Variants in COL25A1 observed in about 807,000 individuals in gnomAD.
The protein encoded by COL25A1 is collagen alpha-1(XXV) chain.
COL25A1 carries 103 observed loss-of-function variants against 128.4 expected under a neutral mutation model. The observed-to-expected ratio is 0.80, with a 90% confidence interval of 0.68 to 0.94. COL25A1 has a LOEUF of 0.94. COL25A1 is among the 40% of genes least tolerant of loss of function. The pLI is 0.00. For missense variants in COL25A1, 745 were observed against 840.0 expected, an observed-to-expected ratio of 0.89 and a Z score of 1.40; for synonymous variants, 279 against 277.2, an observed-to-expected ratio of 1.01 and a Z score of -0.06.
chr4:108,942,162 T>C (rs564913829), intron 8 of COL25A1: 5 of 1,534,066 alleles, frequency 3.3e-6, no homozygotes, highest in Non-Finnish European at 3.5e-6. Flanking sequence ...CTCACGCTTA[T>C]GCTGATTGCA....
At position 108,997,418 on chromosome 4, in the gene COL25A1, A is replaced by C. The variant is rs549472166; in HGVS notation, c.438+12940T>G. 9.9e-5 allele frequency among the ~76,000 whole-genome samples: 15 copies of C among 152,186 alleles called. 1 individual carries two copies. The highest frequency in any genetic ancestry group is 2.2e-4 in the Non-Finnish European group (15 of 68,036). ...GGATACTTACAACCTCCCAAAACTA[A>C]ACCAGGAAGAAGCTGAATCTCTGAA... On this transcript the variant is annotated intron_variant, in intron 6 of 37. Coordinates refer to ENST00000399132, the MANE Select transcript of COL25A1 (RefSeq NM_198721.4).
chr4:109,070,388 T>G (rs538054155), intron 3 of COL25A1, among the ~76,000 whole-genome samples: 3 of 151,896 alleles, frequency 2.0e-5, no homozygotes, highest in Admixed American at 2.0e-4. Context: ...TAATCCCACA[T>G]CATAAGCCCT....
chr4:109,204,593 A>G (rs1776835588), intron 3 of COL25A1, among the ~76,000 whole-genome samples: 1 of 152,206 alleles, frequency 6.6e-6, no homozygotes, highest in Non-Finnish European at 1.5e-5. Context: ...CAATTATGCC[A>G]TTTAAGGAAA....
chr4:109,067,111 A>G (rs1560628086), intron 3 of COL25A1, among the ~76,000 whole-genome samples: 2 of 152,114 alleles, frequency 1.3e-5, no homozygotes, highest in Admixed American at 6.5e-5. Context: ...TTTGGCTTTC[A>G]CATAGGAAGA....
At chr4:108,819,363 C>A in intron 35 of COL25A1, 34 bp from the exon 36 acceptor site, 1 of 1,527,544 alleles carries the variant, frequency 6.5e-7, no homozygotes. Flanking sequence ...ATGTTACTAA[C>A]ACAAGAAATC....
chr4:109,071,362 A>G (rs1394761764), intron 3 of COL25A1, among the ~76,000 whole-genome samples: 1 of 152,184 alleles, frequency 6.6e-6, no homozygotes, highest in Admixed American at 6.5e-5. Context: ...AAACCTAGGC[A>G]ATACCATTCA....
intron 32 of COL25A1, among the ~76,000 whole-genome samples, chr4:108,828,157 T>G (rs1732607555): frequency 6.6e-6 from 1 of 152,234 alleles, no homozygotes. Flanking sequence ...ATTTTTTATT[T>G]TGAGACAGAG....
intron 3 of COL25A1, among the ~76,000 whole-genome samples, chr4:109,297,617 T>C (rs1180841197): frequency 6.6e-6 from 1 of 152,042 alleles, no homozygotes; most frequent in South Asian, 2.1e-4. Flanking sequence ...TTTAATTAAG[T>C]ACAGTGTTCT....
At chr4:109,230,717 C>T (rs1214237843) in intron 3 of COL25A1, among the ~76,000 whole-genome samples, 1 of 152,176 alleles carries the variant, frequency 6.6e-6, no homozygotes, top group Non-Finnish European at 1.5e-5. Flanking sequence ...CACATTCAAA[C>T]AGACATTTGA....
At chr4:108,877,171 G>A (rs1739544452) in intron 19 of COL25A1, among the ~76,000 whole-genome samples, 1 of 152,218 alleles carries the variant, frequency 6.6e-6, no homozygotes, top group South Asian at 2.1e-4. Context: ...AGATACAGAA[G>A]CAAGTCTGTG....
At chr4:108,939,323 C>A (rs1578829606) in intron 10 of COL25A1, among the ~76,000 whole-genome samples, 1 of 152,328 alleles carries the variant, frequency 6.6e-6, no homozygotes, top group Middle Eastern at 3.4e-3. Flanking sequence ...CAACCACTGT[C>A]TTTGAAGGTT....
chr4:109,064,340 C>T (rs1308510936), intron 3 of COL25A1, among the ~76,000 whole-genome samples: 1 of 152,158 alleles, frequency 6.6e-6, no homozygotes, highest in African/African-American at 2.4e-5. Flanking sequence ...ACTTGGAAAA[C>T]ATTTGTTCTT....
intron 3 of COL25A1, among the ~76,000 whole-genome samples, chr4:109,249,673 C>T (rs1780517014): frequency 6.6e-6 from 1 of 152,084 alleles, no homozygotes; most frequent in Non-Finnish European, 1.5e-5. Flanking sequence ...ATATTCATGA[C>T]CTACTTAAGC....
At chr4:108,852,144 T>G (rs1735857406) in intron 26 of COL25A1, 92 bp downstream of exon 26, 2 of 1,030,342 alleles carry the variant, frequency 1.9e-6, no homozygotes, top group Non-Finnish European at 3.0e-6. Context: ...TTCTTCAGCA[T>G]TTTGTAAGAC....
chr4:109,296,847 G>A (rs1203446678), intron 3 of COL25A1, among the ~76,000 whole-genome samples: 2 of 152,072 alleles, frequency 1.3e-5, no homozygotes, highest in Non-Finnish European at 2.9e-5. Context: ...TTGGTTGGCT[G>A]CCTGGTTCCC....
intron 26 of COL25A1, among the ~76,000 whole-genome samples, chr4:108,851,482 G>C (rs546807681): frequency 3.9e-5 from 6 of 152,202 alleles, no homozygotes; most frequent in African/African-American, 1.2e-4. Context: ...GCCTTAAGAA[G>C]CATTAACAAA....
chr4:108,874,662 G>A (rs1164217121), intron 19 of COL25A1, among the ~76,000 whole-genome samples: 1 of 152,088 alleles, frequency 6.6e-6, no homozygotes, highest in African/African-American at 2.4e-5. Context: ...TACCATTGAA[G>A]TAAAAACAAT....
chr4:109,238,256 T>A (rs1405144029), intron 3 of COL25A1, among the ~76,000 whole-genome samples: 1 of 152,042 alleles, frequency 6.6e-6, no homozygotes, highest in Admixed American at 6.6e-5. Context: ...TTAGATTTTT[T>A]TCCTAATCAA....
intron 37 of COL25A1, among the ~76,000 whole-genome samples, chr4:108,816,163 G>C (rs1289295779): frequency 1.3e-5 from 2 of 152,150 alleles, no homozygotes; most frequent in Non-Finnish European, 2.9e-5. Context: ...TTATCTGACA[G>C]GCTGAAAGCG....
Sources: gnomAD v4.1 joint callset for allele counts (sites outside exome capture counted in the v4.1 genomes callset) on GRCh38, gnomAD v4.1.1 for gene constraint, MANE v1.5 for transcripts, NCBI Gene and HGNC (gene_info 2026-07-23, HGNC 2026-07-21) for gene names.